The following DENND1B variants were observed in gnomAD, a reference collection of about 807,000 sequenced individuals.
The protein encoded by DENND1B is DENN domain containing 1B.
Under a neutral mutation model 90.1 loss-of-function variants are expected in DENND1B, and 59 were observed. That is an observed-to-expected ratio of 0.65 (90% CI 0.53 to 0.81). The LOEUF (loss-of-function observed/expected upper bound fraction) is 0.81, where lower values mean the gene tolerates loss of function less well. Ranked by LOEUF, DENND1B falls within the 40% of genes least tolerant of loss-of-function variation. The probability of loss-of-function intolerance (pLI) is 0.00; values close to 1 mark genes in which losing one functional copy is unlikely to be tolerated. For missense variants in DENND1B, 862 were observed against 912.6 expected (o/e 0.94, Z 0.71); for synonymous variants, 337 against 324.6 (o/e 1.04, Z -0.41).
At chr1:197,693,210 T>C (rs981910930) in intron 3 of DENND1B, among the ~76,000 whole-genome samples, 2 of 151,712 alleles carry the variant, frequency 1.3e-5, no homozygotes, top group African/African-American at 4.8e-5. Flanking sequence ...TATAGCTGTA[T>C]GTTACCACTT....
chr1:197,727,626 A>T (rs544173726), intron 2 of DENND1B, among the ~76,000 whole-genome samples: 2 of 152,316 alleles, frequency 1.3e-5, no homozygotes, highest in South Asian at 4.1e-4. Context: ...AATAGAAAAC[A>T]GTGATCTGAT....
intron 18 of DENND1B, among the ~76,000 whole-genome samples, chr1:197,541,610 G>A (rs1218958000): frequency 2.0e-5 from 3 of 152,286 alleles, no homozygotes; most frequent in Non-Finnish European, 2.9e-5. Context: ...TTCCTGTGGG[G>A]TATAACTTAA....
intron 2 of DENND1B, among the ~76,000 whole-genome samples, chr1:197,719,235 A>C (rs1244897834): frequency 6.6e-6 from 1 of 152,134 alleles, no homozygotes; most frequent in African/African-American, 2.4e-5. Flanking sequence ...CAGAAAGCTT[A>C]AGCTAGAGAT....
intron 5 of DENND1B, among the ~76,000 whole-genome samples, chr1:197,665,310 A>G (rs1415284753): frequency 6.6e-6 from 1 of 152,198 alleles, no homozygotes; most frequent in East Asian, 1.9e-4. Flanking sequence ...CGGAACTCCG[A>G]GGTAAATGCA....
intron 6 of DENND1B, among the ~76,000 whole-genome samples, chr1:197,656,945 TA>T (rs1387130654): frequency 6.6e-6 from 1 of 152,120 alleles, no homozygotes; most frequent in Non-Finnish European, 1.5e-5. Context: ...TATTGAGAGC[TA>T]AAACTATAAA....
At chr1:197,749,309 C>G (rs1017807350) in intron 2 of DENND1B, among the ~76,000 whole-genome samples, 17 of 151,860 alleles carry the variant, frequency 1.1e-4, no homozygotes, top group Non-Finnish European at 2.2e-4. Flanking sequence ...CTCAAAAAGT[C>G]CCAGTCAGGA....
chr1:197,665,926 T>G (rs2125972489), intron 5 of DENND1B, among the ~76,000 whole-genome samples: 1 of 152,236 alleles, frequency 6.6e-6, no homozygotes, highest in Admixed American at 6.5e-5. Context: ...TTCCTTTGCT[T>G]CTGACAATGA....
chr1:197,517,107 G>A (rs1245086947), intron 20 of DENND1B, among the ~76,000 whole-genome samples: 1 of 151,822 alleles, frequency 6.6e-6, no homozygotes, highest in Non-Finnish European at 1.5e-5. Flanking sequence ...ACTTCTTTGT[G>A]CCCTTTGCAC....
intron 15 of DENND1B, among the ~76,000 whole-genome samples, chr1:197,577,152 A>G (rs1673753962): frequency 6.6e-6 from 1 of 152,186 alleles, no homozygotes; most frequent in Non-Finnish European, 1.5e-5. Context: ...AGATGAAGTC[A>G]ATATAAAAAA....
At chr1:197,772,047 A>T (rs1656681843) in intron 2 of DENND1B, among the ~76,000 whole-genome samples, 1 of 152,170 alleles carries the variant, frequency 6.6e-6, no homozygotes, top group African/African-American at 2.4e-5. Context: ...AAGTAATTTC[A>T]CACTATCGTT....
At chr1:197,763,272 C>T (rs1309956418) in intron 2 of DENND1B, among the ~76,000 whole-genome samples, 1 of 152,156 alleles carries the variant, frequency 6.6e-6, no homozygotes, top group East Asian at 1.9e-4. Context: ...TTTGTCACTT[C>T]TTTTTATATA....
At chr1:197,646,221 GGT>G (rs1389865258) in intron 8 of DENND1B, among the ~76,000 whole-genome samples, 3 of 151,736 alleles carry the variant, frequency 2.0e-5, no homozygotes, top group Non-Finnish European at 4.4e-5. Context: ...GGGTTTCTAT[GGT>G]AAGTCACAAG....
At chr1:197,529,270 ATATG>A (rs1370955406) in intron 20 of DENND1B, among the ~76,000 whole-genome samples, 132 of 4,996 alleles carry the variant, frequency 0.026, no homozygotes, top group Admixed American at 0.11. Flanking sequence ...GTGTGTGTGT[ATATG>A]TATATATGTA....
chr1:197,705,063 G>T (rs1437569039), intron 3 of DENND1B, among the ~76,000 whole-genome samples: 1 of 152,078 alleles, frequency 6.6e-6, no homozygotes, highest in East Asian at 1.9e-4. Flanking sequence ...CCCAGTGCAT[G>T]GTAAGAGTGA....
intron 16 of DENND1B, among the ~76,000 whole-genome samples, chr1:197,549,281 T>C (rs949011792): frequency 3.3e-5 from 5 of 152,124 alleles, no homozygotes; most frequent in Non-Finnish European, 7.4e-5. Flanking sequence ...AAAATGTAAA[T>C]TGGTCTAAAT....
chr1:197,745,608 T>C (rs1663643477), intron 2 of DENND1B, among the ~76,000 whole-genome samples: 1 of 115,020 alleles, frequency 8.7e-6, no homozygotes, highest in East Asian at 2.2e-4. Context: ...CAGATCACCA[T>C]ATATATATTA....
chr1:197,565,225 T>C (rs1672526346), intron 15 of DENND1B, among the ~76,000 whole-genome samples: 1 of 152,020 alleles, frequency 6.6e-6, no homozygotes, highest in African/African-American at 2.4e-5. Context: ...TAAAAGCTTT[T>C]AAATATCTTC....
intron 10 of DENND1B, among the ~76,000 whole-genome samples, chr1:197,632,130 C>T (rs1162522480): frequency 3.3e-5 from 5 of 152,136 alleles, no homozygotes; most frequent in Non-Finnish European, 7.4e-5. Context: ...AACTGATCTC[C>T]TGTCAGCTGG....
At chr1:197,715,128 GA>G in intron 2 of DENND1B, 54 bp from the exon 3 acceptor site, 1 of 1,478,022 alleles carries the variant, frequency 6.8e-7, no homozygotes, top group Middle Eastern at 1.7e-4. Context: ...ACATTTAAAG[GA>G]ACAGTCTTGG....
Sources: gnomAD v4.1 joint callset for allele counts (sites outside exome capture counted in the v4.1 genomes callset) on GRCh38, gnomAD v4.1.1 for gene constraint, MANE v1.5 for transcripts, NCBI Gene and HGNC (gene_info 2026-07-23, HGNC 2026-07-21) for gene names.